Variants in NOD1 observed in about 807,000 individuals in gnomAD.
The protein encoded by NOD1 is nucleotide-binding oligomerization domain-containing protein 1.
A neutral mutation model predicts 81.2 loss-of-function variants in NOD1; 70 were observed. The observed-to-expected ratio is 0.86, with a 90% CI of 0.71 to 1.05. The LOEUF is 1.05. Among genes scored for constraint, NOD1 ranks in the 50% least tolerant of loss-of-function variants. The pLI, the probability that NOD1 is intolerant of heterozygous loss-of-function variation, is 0.00. For synonymous variants in NOD1, 508 were observed against 526.9 expected (o/e 0.96, Z 0.49); for missense variants, 1,233 against 1,228.0 (o/e 1.00, Z -0.06).
At position 30,467,354 on chromosome 7, in the gene NOD1, T is replaced by TA. The variant is rs398085680; in HGVS notation, c.-351-7314_-351-7313insT. On this transcript the variant is annotated intron_variant, in intron 1 of 13. Coordinates refer to ENST00000222823, the MANE Select transcript of NOD1 (RefSeq NM_006092.4). The surrounding 1 kb of genome is among the most constrained non-coding windows in gnomAD (Gnocchi z 4.5). The stretch of plus-strand genomic sequence containing the variant: ...ACTTTTATTCGTAATGTTTTTTTTT[T>TA]TATAAGAAGGCTATACACTTGCATG... Among the ~76,000 whole-genome samples the TA allele has an allele frequency of 6.8e-6, 1 of 147,532 alleles. No individual in the cohort carries two copies. The highest frequency in any genetic ancestry group is 1.5e-5 in the Non-Finnish European group (1 of 64,966).
Position 30,434,991 on chromosome 7 carries a change from G to A in NOD1, c.2621+1007C>T, listed in dbSNP as rs560242245. Among the ~76,000 whole-genome samples the A allele has an allele frequency of 4.6e-5, 7 of 151,460 alleles. No homozygotes were observed. The South Asian group carries it at 1.0e-3, about 23-fold the overall frequency. On this transcript the variant is annotated intron_variant, in intron 11 of 13. Coordinates refer to ENST00000222823, the MANE Select transcript of NOD1 (RefSeq NM_006092.4). ...TCGCTATATTGCCCAGGCTAGTCTCGAACTCTTGGCCTCAAGCGATCCTCC... is the reference window on the plus strand; with the variant it reads ...TCGCTATATTGCCCAGGCTAGTCTCAAACTCTTGGCCTCAAGCGATCCTCC...
rs891393831 is a variant in NOD1 at position 30,478,337 on chromosome 7, T to C, written c.-352+269A>G. Among the ~76,000 whole-genome samples, 1 of 152,226 alleles carries C rather than the reference T, an allele frequency of 6.6e-6. No individual in the cohort carries two copies. The highest frequency in any genetic ancestry group is 1.5e-5 in the Non-Finnish European group (1 of 68,038). On this transcript the variant is annotated intron_variant, in intron 1 of 13. Transcript: ENST00000222823. This position sits in a 1 kb window ranked among gnomAD's most constrained non-coding sequence, Gnocchi z 4.1. ...ATCTGGATTTTAAAAGCTCCCCAGG[T>C]GGTTCTAAGCTGCTGGCACGATTGA...
intron 12 of NOD1, 49 bp downstream of exon 12, chr7:30,433,047 T>C (rs1784076438): frequency 1.4e-6 from 2 of 1,380,198 alleles, no homozygotes; most frequent in African/African-American, 1.4e-5. Flanking sequence ...TCTCAAAAAA[T>C]ACTTTTGAAA....
At chr7:30,445,993 C>T (rs1007545488) in intron 9 of NOD1, 148 bp downstream of exon 9, 11 of 674,126 alleles carry the variant, frequency 1.6e-5, no homozygotes, top group Non-Finnish European at 2.4e-5. Flanking sequence ...GTTTCAGTTT[C>T]GCAGCATGGT....
chr7:30,447,545 C>T (rs1785236092), intron 7 of NOD1: 1 of 180,590 alleles, frequency 5.5e-6, no homozygotes. Flanking sequence ...CAGCTAAGCT[C>T]AGGCTTCCAG....
rs1266406812 is a variant in NOD1, at chr7:30,424,966, G to A, written c.*672C>T. ...ATTCTTAGACCAGCTAAGAGCTGAG[G>A]GCATTCTCTATCTTTGCCAGCAGAC... On this transcript the variant is annotated 3_prime_UTR_variant, in exon 14 of 14. Coordinates refer to ENST00000222823, the MANE Select transcript of NOD1 (RefSeq NM_006092.4). 6.6e-6 allele frequency: 1 copy of A among 152,354 alleles called. No homozygotes were observed. The highest frequency in any genetic ancestry group is 1.5e-5 in the Non-Finnish European group (1 of 68,248). 9.4% of individuals were successfully genotyped at this position (152,354 alleles called of 1,614,324 possible). A position where few individuals can be genotyped will look rare whatever the true frequency, so the allele number is the denominator to read the frequency against.
chr7:30,461,930 C>T (rs1409956326), intron 1 of NOD1, among the ~76,000 whole-genome samples: 3 of 152,062 alleles, frequency 2.0e-5, no homozygotes, highest in Admixed American at 6.5e-5. Context: ...AGTAGGGACG[C>T]GGTTTCACCG....
chr7:30,450,022 G>C (rs776973422), intron 6 of NOD1, among the ~76,000 whole-genome samples: 1 of 152,174 alleles, frequency 6.6e-6, no homozygotes, highest in Non-Finnish European at 1.5e-5. Context: ...GGGAAACCCC[G>C]TCCTACTAAA....
At chr7:30,438,198 C>A (rs916396361) in intron 9 of NOD1, among the ~76,000 whole-genome samples, 3 of 152,210 alleles carry the variant, frequency 2.0e-5, no homozygotes, top group Non-Finnish European at 2.9e-5. Context: ...CAACCAAGCT[C>A]TGTGGCTACG....
At position 30,452,620 on chromosome 7, in the gene NOD1, T is replaced by A. The variant is rs1422635505; in HGVS notation, c.797A>T (p.Glu266Val). ...KHYCYPERDPEEVFAFLLRFP... is the reference protein window; with the variant it reads ...KHYCYPERDPVEVFAFLLRFP... ...GCGCAGCAGGAAGGCAAACACCTCC[T>A]CGGGGTCCCGCTCTGGGTAGCAGTA... The change falls in exon 6 of 14, where the codon GAG (glutamate) becomes GTG (valine). Residue 266 changes from glutamate (E) to valine (V), a missense_variant. Transcript: ENST00000222823. The A allele has an allele frequency of 2.5e-6, 4 of 1,613,604 alleles. No homozygotes were observed. In the African/African-American group the frequency reaches 5.3e-5, roughly 22 times the overall value.
At chr7:30,426,104 T>G (rs1331789211) in intron 13 of NOD1, among the ~76,000 whole-genome samples, 2 of 152,104 alleles carry the variant, frequency 1.3e-5, no homozygotes, top group African/African-American at 4.8e-5. Context: ...TCAATTTCCT[T>G]TCCTATATTC....
chr7:30,471,687 C>A (rs1788291414), intron 1 of NOD1, among the ~76,000 whole-genome samples: 1 of 152,252 alleles, frequency 6.6e-6, no homozygotes, highest in Admixed American at 6.5e-5. Flanking sequence ...CAGCCCTTCC[C>A]ATAGCCAGGG....
intron 13 of NOD1, among the ~76,000 whole-genome samples, chr7:30,429,033 A>G (rs1783712827): frequency 6.6e-6 from 1 of 152,238 alleles, no homozygotes; most frequent in African/African-American, 2.4e-5. Context: ...TCAATTGCTG[A>G]GTCCCAGGGG....
intron 1 of NOD1, chr7:30,469,367 G>C: frequency 2.2e-6 from 1 of 454,644 alleles, no homozygotes; most frequent in Non-Finnish European, 2.9e-6. Context: ...GTCCCTCCCG[G>C]AATCACCTCT....
chr7:30,447,071 A>G (rs747046927), intron 7 of NOD1, 21 bp from the exon 8 acceptor site: 6 of 1,613,404 alleles, frequency 3.7e-6, no homozygotes, highest in South Asian at 2.2e-5. Context: ...AAGCACAGCC[A>G]TGAGACTTTC....
Position 30,452,077 on chromosome 7 carries a change from C to T in NOD1, c.1340G>A (p.Arg447His), listed in dbSNP as rs2975634. The T allele has an allele frequency of 4.4e-3, 7,100 of 1,613,652 alleles. 254 individuals carry two copies. In the African/African-American group the frequency reaches 0.083, roughly 19 times the overall value. ...GGCGTGGAGGGTCTCCACTGGGCTG[C>T]GTGTGTTCCGCTGCACCAGGCTGCT... is the stretch of plus-strand genomic sequence containing the variant. ...QPSSLVQRNT[R>H]SPVETLHAGR... Residue 447 changes from arginine (R) to histidine (H), a missense_variant, in exon 6 of 14, where the codon CGC becomes CAC. Transcript: ENST00000222823.
intron 5 of NOD1, among the ~76,000 whole-genome samples, chr7:30,454,232 G>A (rs1786104079): frequency 6.6e-6 from 1 of 152,222 alleles, no homozygotes; most frequent in South Asian, 2.1e-4. Context: ...CAGGACTTAG[G>A]TCCTTGGTGC....
intron 2 of NOD1, among the ~76,000 whole-genome samples, 151 bp downstream of exon 2, chr7:30,459,750 C>T (rs774871732): frequency 2.0e-5 from 3 of 152,186 alleles, no homozygotes; most frequent in African/African-American, 7.2e-5. Flanking sequence ...TGAGAGAAAA[C>T]TGGAAAGAAG....
intron 1 of NOD1, among the ~76,000 whole-genome samples, chr7:30,472,558 GT>G (rs2128106821): frequency 6.6e-6 from 1 of 152,348 alleles, no homozygotes; most frequent in East Asian, 1.9e-4. Context: ...ATGGACTGAT[GT>G]TTATGTCCCT....
Sources: gnomAD v4.1 joint callset for allele counts (sites outside exome capture counted in the v4.1 genomes callset) on GRCh38, gnomAD v4.1.1 for gene constraint, Gnocchi (gnomAD v3.1) non-coding constraint, MANE v1.5 for transcripts, NCBI Gene and HGNC (gene_info 2026-07-23, HGNC 2026-07-21) for gene names.